The following NFIA variants were observed in gnomAD, a reference collection of about 807,000 sequenced individuals.
NFIA encodes the protein nuclear factor I A, also known as nuclear factor 1 A-type.
NFIA carries 8 observed loss-of-function variants against 62.8 expected under a neutral mutation model. The observed-to-expected ratio is 0.13, with a 90% CI of 0.07 to 0.23. NFIA has a LOEUF of 0.23. NFIA is among the 10% of genes least tolerant of loss of function. NFIA has a pLI of 1.00. For synonymous variants in NFIA, 235 were observed against 238.1 expected, an observed-to-expected ratio of 0.99 and a Z score of 0.12; for missense variants, 410 against 642.1, an observed-to-expected ratio of 0.64 and a Z score of 3.91.
In NFIA at chr1:61,406,542, T is replaced by TGGGGGGGGGGGGGGGGGGGGGGGG; in HGVS notation, c.1255-19_1255-18insGGGGGGGGGGGGGGGGGGGGGGGG. ...TTCTTTTTCTTGTACGTGTGTTTTC[T>TGGGGGGGGGGGGGGGGGGGGGGGG]GCCCCCCCCCCCCCCACAGCCCAAT... On this transcript the variant is annotated intron_variant, in intron 8 of 10. Coordinates refer to ENST00000403491, the MANE Select transcript of NFIA (RefSeq NM_001134673.4). 6 of 1,253,818 alleles carry TGGGGGGGGGGGGGGGGGGGGGGGG rather than the reference T, an allele frequency of 4.8e-6. No homozygotes were observed. The highest frequency in any genetic ancestry group is 2.1e-4 in the Middle Eastern group (1 of 4,722). The allele number at this position is 1,253,818 out of a possible 1,614,324, so 77.7% of individuals were successfully genotyped here. A position where few individuals can be genotyped will look rare whatever the true frequency, so the allele number is the denominator to read the frequency against.
chr1:61,129,953 C>T (rs1647045115), intron 2 of NFIA, among the ~76,000 whole-genome samples: 1 of 152,106 alleles, frequency 6.6e-6, no homozygotes, highest in South Asian at 2.1e-4. Flanking sequence ...AGGGGATGCG[C>T]CTGTTAGAGT....
chr1:61,249,137 A>G (rs1655845235), intron 2 of NFIA: 1 of 152,222 alleles, frequency 6.6e-6, no homozygotes, highest in Admixed American at 6.5e-5. Flanking sequence ...ATACATTTTT[A>G]TTTTATAATT....
chr1:61,153,455 A>AT (rs1648568971), intron 2 of NFIA, among the ~76,000 whole-genome samples: 1 of 152,148 alleles, frequency 6.6e-6, no homozygotes, highest in African/African-American at 2.4e-5. Flanking sequence ...CTCAACTATT[A>AT]TTTTTTGTTC....
intron 2 of NFIA, among the ~76,000 whole-genome samples, chr1:61,194,527 A>C (rs888069243): frequency 6.6e-6 from 1 of 152,182 alleles, no homozygotes; most frequent in Non-Finnish European, 1.5e-5. Context: ...CTATATTTTA[A>C]AAAATAACAT....
chr1:61,259,979 G>A (rs1455585431), intron 2 of NFIA, among the ~76,000 whole-genome samples: 1 of 152,194 alleles, frequency 6.6e-6, no homozygotes, highest in Non-Finnish European at 1.5e-5. Flanking sequence ...GGACTTTTGA[G>A]ATTGCAATAG....
intron 3 of NFIA, among the ~76,000 whole-genome samples, chr1:61,307,293 A>G (rs1047772607): frequency 6.6e-6 from 1 of 152,142 alleles, no homozygotes; most frequent in Non-Finnish European, 1.5e-5. Context: ...TTATAAAGAG[A>G]ACACAGAGAG....
intron 7 of NFIA, among the ~76,000 whole-genome samples, chr1:61,392,590 G>A (rs1044088979): frequency 1.3e-5 from 2 of 151,852 alleles, no homozygotes; most frequent in Non-Finnish European, 2.9e-5. Context: ...CTAGATAAAT[G>A]CACAACTAAA....
At chr1:61,395,670 G>A (rs769061191) in intron 7 of NFIA, among the ~76,000 whole-genome samples, 11 of 152,152 alleles carry the variant, frequency 7.2e-5, no homozygotes, top group East Asian at 3.9e-4. Context: ...CAGCTGTTGC[G>A]TGGCGTTTGA....
chr1:61,248,151 A>G (rs1487690532), intron 2 of NFIA, among the ~76,000 whole-genome samples: 1 of 152,196 alleles, frequency 6.6e-6, no homozygotes, highest in Non-Finnish European at 1.5e-5. Context: ...GTCCTCAACT[A>G]GCTCACCCTC....
intron 2 of NFIA, among the ~76,000 whole-genome samples, chr1:61,164,095 AT>A (rs201732609): frequency 3.8e-4 from 58 of 151,920 alleles, no homozygotes; most frequent in African/African-American, 9.2e-4. Flanking sequence ...CTAAACAAAG[AT>A]TTTTTTTTCT....
chr1:61,302,516 A>C (rs1659545746), intron 3 of NFIA, among the ~76,000 whole-genome samples: 1 of 152,182 alleles, frequency 6.6e-6, no homozygotes, highest in Admixed American at 6.5e-5. Flanking sequence ...TAATGATACA[A>C]GAGAAAACAT....
chr1:61,398,575 C>G (rs1048303051), intron 7 of NFIA, among the ~76,000 whole-genome samples: 10 of 152,276 alleles, frequency 6.6e-5, no homozygotes, highest in Middle Eastern at 3.4e-3. Flanking sequence ...ATATATTTCT[C>G]TCAATTGACA....
At chr1:61,393,721 G>A (rs371361044) in intron 7 of NFIA, among the ~76,000 whole-genome samples, 3 of 152,220 alleles carry the variant, frequency 2.0e-5, no homozygotes, top group Admixed American at 6.5e-5. Context: ...TCTGTTTCCA[G>A]AAGAAGGGGT....
At chr1:61,109,259 T>C (rs1177637270) in intron 2 of NFIA, among the ~76,000 whole-genome samples, 1 of 151,884 alleles carries the variant, frequency 6.6e-6, no homozygotes, top group Non-Finnish European at 1.5e-5. Context: ...TTTAGTGTTT[T>C]GTTTAAGTCT....
intron 2 of NFIA, among the ~76,000 whole-genome samples, chr1:61,135,307 G>T (rs534547267): frequency 6.6e-6 from 1 of 152,320 alleles, no homozygotes; most frequent in East Asian, 1.9e-4. Flanking sequence ...CTTTTGCAAG[G>T]TCGTGCTACT....
rs368650804 is a variant in NFIA, at chr1:61,332,531, C to G, written c.645C>G (p.Asp215Glu). 4.3e-6 allele frequency: 7 copies of G among 1,613,794 alleles called. No homozygotes were observed. In the African/African-American group the frequency reaches 6.7e-5, roughly 15 times the overall value. ...CCCCAGGACATTTGGGCTTCCAGGA[C>G]AGTTTTGTCACATCAGGTGTTTTTA... ...QPENGHLGFQ[D>E]SFVTSGVFSV... The change falls in exon 4 of 11, where the codon GAC becomes GAG. Residue 215 changes from aspartate (D) to glutamate (E), a missense_variant. Transcript: ENST00000403491.
At chr1:61,420,505 GGA>G (rs1295313468) in intron 9 of NFIA, among the ~76,000 whole-genome samples, 6 of 152,026 alleles carry the variant, frequency 3.9e-5, no homozygotes, top group Admixed American at 1.3e-4. Context: ...TTTACTGCCA[GGA>G]GTCACTGATA....
chr1:61,425,980 T>C (rs937064100), intron 9 of NFIA, among the ~76,000 whole-genome samples: 1 of 152,220 alleles, frequency 6.6e-6, no homozygotes, highest in East Asian at 1.9e-4. Context: ...GTTCCTTCTA[T>C]AAAGATTCCT....
At chr1:61,162,844 G>A (rs1251803168) in intron 2 of NFIA, among the ~76,000 whole-genome samples, 1 of 148,616 alleles carries the variant, frequency 6.7e-6, no homozygotes. Context: ...CATGTCTAGT[G>A]TTTGCAAATG....
Sources: gnomAD v4.1 joint callset for allele counts (sites outside exome capture counted in the v4.1 genomes callset) on GRCh38, gnomAD v4.1.1 for gene constraint, MANE v1.5 for transcripts, NCBI Gene and HGNC (gene_info 2026-07-23, HGNC 2026-07-21) for gene names.